Variants in SEPTIN6 observed in about 807,000 individuals in gnomAD.
SEPTIN6 encodes septin-6.
SEPTIN6 carries 8 observed loss-of-function variants against 33.6 expected under a neutral mutation model. The observed-to-expected ratio is 0.24, with a 90% CI of 0.14 to 0.43. SEPTIN6 has a LOEUF of 0.43. Among genes scored for constraint, SEPTIN6 ranks in the 20% least tolerant of loss-of-function variants. The pLI is 1.00. For missense variants in SEPTIN6, 250 were observed against 340.8 expected (o/e 0.73, Z 2.10); for synonymous variants, 131 against 140.0 (o/e 0.94, Z 0.45).
chrX:119,633,829 C>G (rs1403238697), intron 7 of SEPTIN6, among the ~76,000 whole-genome samples: 1 of 112,520 alleles, frequency 8.9e-6, no homozygotes, highest in Non-Finnish European at 1.9e-5. Flanking sequence ...TGACCAGAAG[C>G]TGAGTCTCCT....
intron 2 of SEPTIN6, among the ~76,000 whole-genome samples, chrX:119,670,665 G>T (rs983237819): frequency 1.8e-5 from 2 of 108,837 alleles, no homozygotes; most frequent in African/African-American, 6.7e-5. Context: ...TCGGCCGGAC[G>T]CAGTGGCTCA....
At chrX:119,686,687 G>GC (rs751710995) in intron 1 of SEPTIN6, 1 of 726,190 alleles carries the variant, frequency 1.4e-6, no homozygotes, top group South Asian at 2.2e-5. Flanking sequence ...TTTATTCTGC[G>GC]CCCCCCACTC....
At chrX:119,691,068 GTTC>G in intron 1 of SEPTIN6, among the ~76,000 whole-genome samples, 1 of 111,510 alleles carries the variant, frequency 9.0e-6, no homozygotes, top group Non-Finnish European at 1.9e-5. Flanking sequence ...GTACAATTAT[GTTC>G]TTCATCATAC....
intron 1 of SEPTIN6, among the ~76,000 whole-genome samples, chrX:119,683,814 C>T (rs912782820): frequency 1.8e-5 from 2 of 111,590 alleles, no homozygotes; most frequent in Non-Finnish European, 3.8e-5. Context: ...TATTGAACTA[C>T]AACCAAAAAG....
intron 2 of SEPTIN6, 43 bp from the exon 3 acceptor site, chrX:119,663,720 C>G: frequency 3.0e-6 from 3 of 1,008,917 alleles, no homozygotes; most frequent in Non-Finnish European, 4.1e-6. Flanking sequence ...CACATAGTGA[C>G]TATTCAGCCC....
At chrX:119,664,565 C>T (rs1018589494) in intron 2 of SEPTIN6, among the ~76,000 whole-genome samples, 1 of 110,258 alleles carries the variant, frequency 9.1e-6, no homozygotes. Flanking sequence ...TGGTGGCTCA[C>T]ACCTGTAATC....
At chrX:119,666,127 A>G (rs1162941179) in intron 2 of SEPTIN6, among the ~76,000 whole-genome samples, 1 of 109,815 alleles carries the variant, frequency 9.1e-6, no homozygotes, top group Non-Finnish European at 1.9e-5. Context: ...CTTCGAAGAG[A>G]GGATATCATT....
chrX:119,646,109 G>C (rs1238861984), intron 5 of SEPTIN6, among the ~76,000 whole-genome samples: 1 of 111,697 alleles, frequency 9.0e-6, no homozygotes, highest in East Asian at 2.8e-4. Flanking sequence ...TTTCCTCCCA[G>C]GGTGGACAGT....
rs181779587 is a variant in SEPTIN6, at chrX:119,678,009, G to A, written c.31-2341C>T. Among the ~76,000 whole-genome samples, 3 of 111,750 alleles carry A rather than the reference G, an allele frequency of 2.7e-5. No homozygotes were observed. In the East Asian group the frequency reaches 8.5e-4, roughly 32 times the overall value. On this transcript the variant is annotated intron_variant, in intron 1 of 10. Transcript: ENST00000394610. The stretch of plus-strand genomic sequence containing the variant: ...GCACTTGGGGAGGCCGAAGTGGGCG[G>A]ATCTCTTGAGCCCAGGAGTTTGAGA...
intron 7 of SEPTIN6, among the ~76,000 whole-genome samples, chrX:119,636,174 G>T (rs1195101909): frequency 1.8e-5 from 2 of 111,551 alleles, no homozygotes; most frequent in Non-Finnish European, 3.8e-5. Context: ...TCTGACTCCA[G>T]GCCAGCTTTA....
Position 119,617,254 on chromosome X carries a change from T to TA in SEPTIN6, c.*2838dup. 3.7e-6 allele frequency: 3 copies of TA among 801,323 alleles called. No individual in the cohort carries two copies. The South Asian group carries it at 2.0e-4, about 53-fold the overall frequency. 66.0% of individuals were successfully genotyped at this position (801,323 alleles called of 1,213,427 possible). ...CAGAGTACTTAGGGTATTTTTTTTT[T>TA]AAATAGTAACAGTTGTACTAATTTA... On this transcript the variant is annotated 3_prime_UTR_variant, in exon 11 of 11. Coordinates refer to ENST00000394610, the MANE Select transcript of SEPTIN6 (RefSeq NM_145799.4).
chrX:119,666,761 C>A (rs769563916), intron 2 of SEPTIN6, among the ~76,000 whole-genome samples: 1 of 111,634 alleles, frequency 9.0e-6, no homozygotes, highest in East Asian at 2.8e-4. Flanking sequence ...TTTTCCTCCC[C>A]TAAAGGAACA....
chrX:119,654,182 C>A (rs752194274), intron 3 of SEPTIN6, among the ~76,000 whole-genome samples: 1 of 111,591 alleles, frequency 9.0e-6, no homozygotes, highest in Non-Finnish European at 1.9e-5. Flanking sequence ...AGTCTCCACA[C>A]GCGGCTCCTC....
intron 1 of SEPTIN6, among the ~76,000 whole-genome samples, chrX:119,690,212 T>C (rs1208824196): frequency 1.8e-5 from 2 of 111,319 alleles, no homozygotes; most frequent in Non-Finnish European, 3.8e-5. Context: ...TGCACCAGAA[T>C]TGAACTTCCA....
At chrX:119,671,925 C>T (rs2054757110) in intron 2 of SEPTIN6, among the ~76,000 whole-genome samples, 1 of 112,340 alleles carries the variant, frequency 8.9e-6, no homozygotes, top group African/African-American at 3.2e-5. Flanking sequence ...AGCAGCTAAG[C>T]TATGGACCCT....
At chrX:119,674,938 G>T (rs969709999) in intron 2 of SEPTIN6, among the ~76,000 whole-genome samples, 3 of 110,359 alleles carry the variant, frequency 2.7e-5, no homozygotes, top group Non-Finnish European at 5.7e-5. Context: ...CGGGCACAGT[G>T]GCTCACACCT....
At chrX:119,668,836 T>G (rs2054694001) in intron 2 of SEPTIN6, among the ~76,000 whole-genome samples, 1 of 111,490 alleles carries the variant, frequency 9.0e-6, no homozygotes, top group African/African-American at 3.3e-5. Flanking sequence ...TTTGGTTATA[T>G]GAGTAAGTTC....
At chrX:119,650,170 C>T in intron 4 of SEPTIN6, 72 bp from the exon 5 acceptor site, 1 of 1,054,570 alleles carries the variant, frequency 9.5e-7, no homozygotes, top group South Asian at 2.0e-5. Flanking sequence ...CCTAGGACTT[C>T]CACCAGCTGC....
intron 1 of SEPTIN6, among the ~76,000 whole-genome samples, chrX:119,687,819 G>C (rs1007874952): frequency 1.8e-5 from 2 of 112,458 alleles, no homozygotes; most frequent in Admixed American, 9.4e-5. Context: ...ATTTACAGCA[G>C]AGACTCCACA....
Sources: gnomAD v4.1 joint callset for allele counts (sites outside exome capture counted in the v4.1 genomes callset) on GRCh38, gnomAD v4.1.1 for gene constraint, MANE v1.5 for transcripts, NCBI Gene and HGNC (gene_info 2026-07-23, HGNC 2026-07-21) for gene names.